SYK: variants seen among roughly 807,000 people sequenced by gnomAD.
SYK encodes the protein spleen associated tyrosine kinase.
In SYK, 16 loss-of-function variants were observed where a neutral mutation model predicts 77.8. That is an observed-to-expected ratio of 0.21 (90% CI 0.14 to 0.31). The LOEUF (loss-of-function observed/expected upper bound fraction) is 0.31, where lower values mean the gene tolerates loss of function less well. SYK is among the 10% of genes least tolerant of loss of function. The probability of loss-of-function intolerance (pLI) is 1.00; values close to 1 mark genes in which losing one functional copy is unlikely to be tolerated. For synonymous variants in SYK, 312 were observed against 308.7 expected (o/e 1.01, Z -0.11); for missense variants, 529 against 814.4 (o/e 0.65, Z 4.26).
At chr9:90,878,639 G>A (rs1323045193) in intron 10 of SYK, 125 bp from the exon 11 acceptor site, 23 of 727,914 alleles carry the variant, frequency 3.2e-5, no homozygotes, top group Middle Eastern at 3.1e-4. Context: ...GTCACCACTC[G>A]TGAGTTTTGT....
chr9:90,888,540 C>T lies in SYK; in HGVS notation c.1748C>T (p.Ala583Val). 1 of 1,611,968 alleles carries T rather than the reference C, an allele frequency of 6.2e-7. No individual in the cohort carries two copies. The highest frequency in any genetic ancestry group is 8.5e-7 in the Non-Finnish European group (1 of 1,179,410). ...YRGMKGSEVT[A>V]MLEKGERMGC... Reference sequence around the variant, plus strand: ...GGGATGAAAGGAAGTGAAGTCACCGCTATGTTAGAGAAAGGAGAGCGGATG... The same window carrying T: ...GGGATGAAAGGAAGTGAAGTCACCGTTATGTTAGAGAAAGGAGAGCGGATG... Residue 583 changes from alanine (A) to valine (V), a missense_variant, in exon 13 of 14, where the codon GCT becomes GTT. This residue lies in a region of SYK where 208 missense variants were observed against 381.3 expected (regional missense o/e 0.55). Transcript: ENST00000375754.
chr9:90,888,746 C>T, intron 13 of SYK, 119 bp downstream of exon 13: 2 of 764,406 alleles, frequency 2.6e-6, no homozygotes, highest in Non-Finnish European at 4.0e-6. Context: ...TGCCCGCTTT[C>T]TAAACAAACA....
At chr9:90,861,936 A>C (rs1033105441) in intron 3 of SYK, among the ~76,000 whole-genome samples, 14 of 152,114 alleles carry the variant, frequency 9.2e-5, no homozygotes, top group African/African-American at 3.4e-4. Context: ...GCCCTGCTAG[A>C]GCTTAGCCAT....
chr9:90,809,260 T>C (rs1824980021), intron 1 of SYK, among the ~76,000 whole-genome samples: 1 of 152,218 alleles, frequency 6.6e-6, no homozygotes, highest in Non-Finnish European at 1.5e-5. Context: ...CTTAGAAGCC[T>C]GTTTAAATAT....
At chr9:90,855,680 GT>G (rs1827004285) in intron 3 of SYK, among the ~76,000 whole-genome samples, 4 of 151,858 alleles carry the variant, frequency 2.6e-5, no homozygotes, top group African/African-American at 7.3e-5. Context: ...GTGTGTGTGT[GT>G]GTGTGTGGGT....
chr9:90,831,710 A>G (rs2118516364), intron 1 of SYK, among the ~76,000 whole-genome samples: 1 of 152,376 alleles, frequency 6.6e-6, no homozygotes, highest in African/African-American at 2.4e-5. Flanking sequence ...TGCACAAAGC[A>G]GTGAAAAATT....
At chr9:90,819,795 C>T (rs1467113313) in intron 1 of SYK, among the ~76,000 whole-genome samples, 1 of 152,110 alleles carries the variant, frequency 6.6e-6, no homozygotes, top group Admixed American at 6.5e-5. Context: ...CCCAATAGTC[C>T]CCCAAAGTCT....
At chr9:90,808,596 G>A (rs574980163) in intron 1 of SYK, among the ~76,000 whole-genome samples, 4 of 152,174 alleles carry the variant, frequency 2.6e-5, no homozygotes, top group Admixed American at 1.3e-4. Flanking sequence ...GGTCTGTGTG[G>A]TGTGTGGGTG....
chr9:90,823,230 G>A (rs1240666414), intron 1 of SYK, among the ~76,000 whole-genome samples: 2 of 152,178 alleles, frequency 1.3e-5, no homozygotes, highest in Non-Finnish European at 2.9e-5. Context: ...ATGTGTATGT[G>A]CATAACAACA....
intron 1 of SYK, among the ~76,000 whole-genome samples, chr9:90,807,779 G>A (rs141738349): frequency 0.011 from 1,608 of 152,262 alleles, 25 homozygotes; most frequent in African/African-American, 0.036. Flanking sequence ...CAGATACAGC[G>A]AGCAACAGAA....
Position 90,865,096 on chromosome 9 carries a change from C to A in SYK, c.845C>A (p.Ala282Glu), listed in dbSNP as rs201994789. The A allele has an allele frequency of 6.2e-7, 1 of 1,613,752 alleles. No homozygotes were observed. Among genetic ancestry groups the A allele is most frequent in the South Asian group, 1.1e-5 (1 of 91,074 alleles). Residue 282 changes from alanine to glutamate, a missense_variant and splice_region_variant, in exon 6 of 14, where the codon GCG (alanine) becomes GAG (glutamate). Physicochemically the swap from Ala to Glu is moderately radical, Grantham distance 107. Transcript: ENST00000375754. ...CCACAACTTCCAGGTTCCCATCCTG[C>A]GGTAAGTGTCACTAGGAATACCACT... is the stretch of plus-strand genomic sequence containing the variant. ...GRPQLPGSHP[A>E]TWSAGGIISR...
At chr9:90,845,023 G>A (rs544911545) in intron 2 of SYK, among the ~76,000 whole-genome samples, 73 of 152,132 alleles carry the variant, frequency 4.8e-4, no homozygotes, top group African/African-American at 1.3e-3. Flanking sequence ...GCAACCTCTG[G>A]CTCCAAGGTT....
chr9:90,842,396 TGTG>T (rs1159088676), intron 1 of SYK, among the ~76,000 whole-genome samples: 3 of 150,962 alleles, frequency 2.0e-5, no homozygotes, highest in Non-Finnish European at 3.0e-5. Context: ...CATGTAGTCA[TGTG>T]GTGTGTTTCA....
chr9:90,814,181 C>T (rs1171618771), intron 1 of SYK, among the ~76,000 whole-genome samples: 1 of 151,946 alleles, frequency 6.6e-6, no homozygotes, highest in Admixed American at 6.6e-5. Context: ...AAAAGAAAAC[C>T]CAAAGCCTTC....
chr9:90,825,657 G>A (rs1240913358), intron 1 of SYK, among the ~76,000 whole-genome samples: 1 of 152,204 alleles, frequency 6.6e-6, no homozygotes, highest in Non-Finnish European at 1.5e-5. Flanking sequence ...CCTGGACAGT[G>A]GAGGATTTTT....
intron 1 of SYK, among the ~76,000 whole-genome samples, chr9:90,839,495 C>T (rs1217743408): frequency 6.6e-6 from 1 of 152,132 alleles, no homozygotes; most frequent in African/African-American, 2.4e-5. Context: ...GCAGATGCTC[C>T]CCAAGACCCG....
chr9:90,875,267 A>ATAAATAAAT (rs1554713110), intron 9 of SYK, among the ~76,000 whole-genome samples: 1 of 151,838 alleles, frequency 6.6e-6, no homozygotes, highest in African/African-American at 2.4e-5. Context: ...AAATAAATAA[A>ATAAATAAAT]ACATAAAAAA....
In SYK at chr9:90,844,108, G is replaced by T; in HGVS notation, c.210G>T (p.Leu70=). ...KAHHYTIERE[L]NGTYAIAGGR... ...ACCACTACACCATCGAGCGGGAGCTGAATGGCACCTACGCCATCGCCGGTG... is the reference window on the plus strand; with the variant it reads ...ACCACTACACCATCGAGCGGGAGCTTAATGGCACCTACGCCATCGCCGGTG... The change falls in exon 2 of 14, where the codon CTG becomes CTT. Residue 70 remains leucine, a synonymous_variant. Coordinates refer to ENST00000375754, the MANE Select transcript of SYK (RefSeq NM_003177.7). The T allele has an allele frequency of 6.2e-7, 1 of 1,613,622 alleles. No homozygotes were observed. The highest frequency in any genetic ancestry group is 1.1e-5 in the South Asian group (1 of 91,012).
intron 1 of SYK, among the ~76,000 whole-genome samples, chr9:90,830,618 C>G (rs895787452): frequency 4.3e-5 from 6 of 139,474 alleles, no homozygotes; most frequent in African/African-American, 1.7e-4. Flanking sequence ...TGGAGTCTCG[C>G]TCTGTCGCCC....
Sources: allele counts gnomAD v4.1 joint callset (sites outside exome capture counted in the v4.1 genomes callset), GRCh38; gene constraint gnomAD v4.1.1; regional missense constraint gnomAD v4.1.1; transcripts MANE v1.5; gene names NCBI Gene and HGNC (gene_info 2026-07-23, HGNC 2026-07-21).